The following NCKAP5 variants were observed in gnomAD, a reference collection of about 807,000 sequenced individuals.
The protein encoded by NCKAP5 is NCK associated protein 5.
NCKAP5 carries 92 observed loss-of-function variants against 167.0 expected under a neutral mutation model. The observed-to-expected ratio is 0.55, with a 90% CI of 0.47 to 0.66. The LOEUF (loss-of-function observed/expected upper bound fraction) is 0.66. Among genes scored for constraint, NCKAP5 ranks in the 30% least tolerant of loss-of-function variants. NCKAP5 has a pLI of 0.00. For missense variants in NCKAP5, 2,378 were observed against 2,315.0 expected, an observed-to-expected ratio of 1.03 and a Z score of -0.56; for synonymous variants, 891 against 877.4, an observed-to-expected ratio of 1.02 and a Z score of -0.27.
At chr2:133,356,370 T>C (rs563628273) in intron 3 of NCKAP5, among the ~76,000 whole-genome samples, 2 of 152,316 alleles carry the variant, frequency 1.3e-5, no homozygotes, top group South Asian at 2.1e-4. Flanking sequence ...TGTGCAGAGA[T>C]AGTAATATGA....
intron 6 of NCKAP5, among the ~76,000 whole-genome samples, chr2:133,097,441 G>C (rs186016097): frequency 1.3e-5 from 2 of 152,114 alleles, no homozygotes; most frequent in African/African-American, 2.4e-5. Context: ...TTATGCCATC[G>C]CAATTTAGTT....
chr2:132,869,540 T>C (rs575781883), intron 9 of NCKAP5, among the ~76,000 whole-genome samples: 2 of 152,336 alleles, frequency 1.3e-5, no homozygotes, highest in South Asian at 4.1e-4. Flanking sequence ...GGTAGTTGTT[T>C]ACTACAACAT....
chr2:133,165,720 A>T (rs1300183371), intron 5 of NCKAP5, among the ~76,000 whole-genome samples: 1 of 152,132 alleles, frequency 6.6e-6, no homozygotes, highest in Non-Finnish European at 1.5e-5. Flanking sequence ...TCTTGCCTTT[A>T]AGATCACCTG....
At chr2:132,976,469 CAGG>C (rs1391224144) in intron 7 of NCKAP5, among the ~76,000 whole-genome samples, 1 of 148,948 alleles carries the variant, frequency 6.7e-6, no homozygotes, top group Non-Finnish European at 1.5e-5. Context: ...GAGGCTGAAG[CAGG>C]AGAATTGCTT....
intron 2 of NCKAP5, among the ~76,000 whole-genome samples, chr2:133,540,645 G>A (rs1337645401): frequency 6.6e-6 from 1 of 152,044 alleles, no homozygotes; most frequent in Admixed American, 6.5e-5. Flanking sequence ...ATTAAAAATA[G>A]CAATTGAAGG....
At chr2:133,042,613 G>T (rs2079252124) in intron 6 of NCKAP5, among the ~76,000 whole-genome samples, 1 of 152,158 alleles carries the variant, frequency 6.6e-6, no homozygotes, top group African/African-American at 2.4e-5. Context: ...ATTCATAATA[G>T]AAATAGCTAC....
intron 3 of NCKAP5, among the ~76,000 whole-genome samples, chr2:133,339,565 C>T (rs1683438651): frequency 6.6e-6 from 1 of 152,120 alleles, no homozygotes. Flanking sequence ...TTTAACCAAG[C>T]ATTGTAATAT....
chr2:132,731,601 G>T, intron 17 of NCKAP5, 136 bp downstream of exon 17: 1 of 871,520 alleles, frequency 1.1e-6, no homozygotes, highest in Non-Finnish European at 1.7e-6. Context: ...TTTGCTTGTT[G>T]GTGAAGGACA....
In NCKAP5 at chr2:133,376,645, C is replaced by G. The variant is rs952797650; in HGVS notation, c.70-73535G>C. 6.6e-5 allele frequency among the ~76,000 whole-genome samples: 10 copies of G among 152,210 alleles called. 3 individuals are homozygous for G. Among genetic ancestry groups the G allele is most frequent in the Admixed American group, 6.5e-4 (10 of 15,280 alleles). On this transcript the variant is annotated intron_variant, in intron 3 of 19. Coordinates refer to ENST00000409261, the MANE Select transcript of NCKAP5 (RefSeq NM_207363.3). Reference sequence around the variant, plus strand: ...TTCTAAAACACAGACTCTATTACAGCATACCTTTGCTTAAACCCTTCTGGT... The same window carrying G: ...TTCTAAAACACAGACTCTATTACAGGATACCTTTGCTTAAACCCTTCTGGT...
chr2:133,303,191 G>C, intron 3 of NCKAP5, 81 bp from the exon 4 acceptor site: 2 of 937,422 alleles, frequency 2.1e-6, no homozygotes, highest in Non-Finnish European at 3.4e-6. Context: ...TCTCTACAAG[G>C]AGTATTTTTG....
intron 3 of NCKAP5, among the ~76,000 whole-genome samples, chr2:133,368,844 T>C (rs1253567795): frequency 6.6e-6 from 1 of 152,212 alleles, no homozygotes; most frequent in Non-Finnish European, 1.5e-5. Flanking sequence ...TAACATTGCA[T>C]GACACGTATT....
At chr2:133,422,268 C>T (rs1187255555) in intron 3 of NCKAP5, among the ~76,000 whole-genome samples, 1 of 152,236 alleles carries the variant, frequency 6.6e-6, no homozygotes, top group Non-Finnish European at 1.5e-5. Flanking sequence ...GCACAGGTTG[C>T]TCTATGTTCC....
At chr2:133,509,140 G>T (rs1353724163) in intron 3 of NCKAP5, among the ~76,000 whole-genome samples, 1 of 152,140 alleles carries the variant, frequency 6.6e-6, no homozygotes, top group Non-Finnish European at 1.5e-5. Context: ...GGCACGTGAA[G>T]CTACCTAACA....
intron 11 of NCKAP5, among the ~76,000 whole-genome samples, chr2:132,801,684 T>A (rs970123684): frequency 2.0e-5 from 3 of 152,210 alleles, no homozygotes; most frequent in Admixed American, 6.5e-5. Flanking sequence ...GCCAGGGTAG[T>A]CAGTGCCTGG....
At chr2:133,270,530 T>G (rs996322562) in intron 4 of NCKAP5, among the ~76,000 whole-genome samples, 6 of 152,182 alleles carry the variant, frequency 3.9e-5, no homozygotes, top group African/African-American at 1.4e-4. Context: ...GCAGAGAACC[T>G]AAGGCCGATT....
intron 11 of NCKAP5, among the ~76,000 whole-genome samples, chr2:132,842,373 T>TATAC (rs1285668092): frequency 1.6e-4 from 24 of 152,246 alleles, no homozygotes; most frequent in African/African-American, 5.8e-4. Context: ...TTTTTGGGAA[T>TATAC]ATACATACAT....
At chr2:132,903,509 T>C (rs1044434037) in intron 8 of NCKAP5, among the ~76,000 whole-genome samples, 1 of 152,256 alleles carries the variant, frequency 6.6e-6, no homozygotes, top group African/African-American at 2.4e-5. Flanking sequence ...ATGTGACAAA[T>C]GTATGTTGAC....
intron 3 of NCKAP5, among the ~76,000 whole-genome samples, chr2:133,455,548 T>C (rs1178100355): frequency 6.6e-6 from 1 of 152,100 alleles, no homozygotes; most frequent in Non-Finnish European, 1.5e-5. Context: ...CTCCATTGGG[T>C]CCAATTTACA....
intron 19 of NCKAP5, among the ~76,000 whole-genome samples, chr2:132,694,139 T>TTTA (rs1558932137): frequency 1.4e-4 from 15 of 107,960 alleles, no homozygotes; most frequent in South Asian, 1.1e-3. Flanking sequence ...TTATTTATTT[T>TTTA]TTGAATTTCT....
Sources: allele counts gnomAD v4.1 joint callset (sites outside exome capture counted in the v4.1 genomes callset), GRCh38; gene constraint gnomAD v4.1.1; transcripts MANE v1.5; gene names NCBI Gene and HGNC (gene_info 2026-07-23, HGNC 2026-07-21).